The following DLG2 variants were observed in gnomAD, a reference collection of about 807,000 sequenced individuals.
DLG2 encodes the protein disks large homolog 2.
A neutral mutation model predicts 132.5 loss-of-function variants in DLG2; 45 were observed. The observed-to-expected ratio is 0.34, with a 90% confidence interval of 0.27 to 0.44. The LOEUF is 0.44. DLG2 is among the 20% of genes least tolerant of loss of function. The pLI is 1.00. For missense variants in DLG2, 1,045 were observed against 1,196.9 expected (o/e 0.87, Z 1.87); for synonymous variants, 424 against 419.6 (o/e 1.01, Z -0.13).
intron 6 of DLG2, among the ~76,000 whole-genome samples, chr11:85,067,921 A>T (rs527346442): frequency 6.6e-6 from 1 of 152,188 alleles, no homozygotes; most frequent in South Asian, 2.1e-4. Flanking sequence ...TGGCAAACCG[A>T]ATATAGCAGC....
intron 3 of DLG2, among the ~76,000 whole-genome samples, chr11:85,483,666 A>C (rs1319831540): frequency 6.6e-6 from 1 of 152,160 alleles, no homozygotes; most frequent in Non-Finnish European, 1.5e-5. Context: ...ATAATAGGCC[A>C]GGCGTGGTGG....
intron 18 of DLG2, among the ~76,000 whole-genome samples, chr11:83,701,780 G>T (rs939168453): frequency 6.6e-6 from 1 of 152,150 alleles, no homozygotes; most frequent in Non-Finnish European, 1.5e-5. Context: ...AACCTGTCGT[G>T]GTAGGGAAGG....
chr11:84,595,946 T>TA (rs2099555696), intron 6 of DLG2, among the ~76,000 whole-genome samples: 1 of 152,126 alleles, frequency 6.6e-6, no homozygotes, highest in South Asian at 2.1e-4. Flanking sequence ...AAAACCAACC[T>TA]AATAAAAATA....
intron 6 of DLG2, among the ~76,000 whole-genome samples, chr11:84,647,479 G>C (rs1231988803): frequency 6.6e-6 from 1 of 152,194 alleles, no homozygotes; most frequent in Admixed American, 6.5e-5. Flanking sequence ...CAATAGATCA[G>C]TGCGGTAGAA....
intron 8 of DLG2, among the ~76,000 whole-genome samples, chr11:84,249,973 T>G (rs1020306371): frequency 3.3e-5 from 5 of 152,176 alleles, no homozygotes; most frequent in Non-Finnish European, 7.4e-5. Context: ...GTTCTGACAT[T>G]CTGCTCCCCT....
intron 6 of DLG2, among the ~76,000 whole-genome samples, chr11:85,055,403 C>T (rs2063350006): frequency 6.6e-6 from 1 of 152,102 alleles, no homozygotes. Flanking sequence ...CTTATGGGTC[C>T]AAGATCCCTG....
At chr11:85,402,645 G>GAA (rs1447435166) in intron 3 of DLG2, among the ~76,000 whole-genome samples, 1 of 151,872 alleles carries the variant, frequency 6.6e-6, no homozygotes, top group African/African-American at 2.4e-5. Context: ...AAATTTACAA[G>GAA]AAAAAAACAA....
intron 7 of DLG2, among the ~76,000 whole-genome samples, chr11:84,463,870 T>C (rs2099086964): frequency 6.6e-6 from 1 of 151,216 alleles, no homozygotes; most frequent in Non-Finnish European, 1.5e-5. Flanking sequence ...CGACCTATTA[T>C]ACTCTTTTCT....
chr11:84,644,095 C>T (rs1448920302), intron 6 of DLG2, among the ~76,000 whole-genome samples: 3 of 152,128 alleles, frequency 2.0e-5, no homozygotes, highest in Admixed American at 6.5e-5. Context: ...TTCCCCAATA[C>T]GTGGCCGTCT....
intron 8 of DLG2, among the ~76,000 whole-genome samples, chr11:84,228,015 T>C (rs75873315): frequency 1.3e-4 from 20 of 152,296 alleles, no homozygotes; most frequent in African/African-American, 4.6e-4. Flanking sequence ...AATGTTGTAT[T>C]ATCTGATTAT....
chr11:84,836,159 G>T (rs891916440), intron 6 of DLG2, among the ~76,000 whole-genome samples: 5 of 151,706 alleles, frequency 3.3e-5, no homozygotes, highest in Non-Finnish European at 2.9e-5. Context: ...TCCAGTAAGA[G>T]AATTGGTAAT....
At chr11:85,032,709 T>C (rs2061116458) in intron 6 of DLG2, among the ~76,000 whole-genome samples, 1 of 152,134 alleles carries the variant, frequency 6.6e-6, no homozygotes, top group Admixed American at 6.5e-5. Context: ...ACCACCTAAT[T>C]GGATAGGTTT....
intron 5 of DLG2, among the ~76,000 whole-genome samples, chr11:85,131,236 T>C (rs1158052900): frequency 6.6e-6 from 1 of 152,168 alleles, no homozygotes; most frequent in African/African-American, 2.4e-5. Context: ...ATTTCGGTAT[T>C]GATTTAATTT....
Position 84,033,228 on chromosome 11 carries a change from A to G in DLG2, c.919+26087T>C, listed in dbSNP as rs375762061. On this transcript the variant is annotated intron_variant, in intron 11 of 27. Transcript: ENST00000376104. The stretch of plus-strand genomic sequence containing the variant: ...TGCATCTGAGTAAAGTAAATTGACA[A>G]TCTTCCAGATGCCATTAGGAAGATT... Among the ~76,000 whole-genome samples, 13 of 152,316 alleles carry G rather than the reference A, an allele frequency of 8.5e-5. No individual in the cohort carries two copies. In the East Asian group the frequency reaches 1.5e-3, roughly 18 times the overall value.
chr11:83,667,076 G>T (rs1056465226), intron 18 of DLG2, among the ~76,000 whole-genome samples: 6 of 152,058 alleles, frequency 3.9e-5, no homozygotes, highest in Non-Finnish European at 7.4e-5. Flanking sequence ...AATTAAAGTT[G>T]TATCTATTCA....
intron 7 of DLG2, among the ~76,000 whole-genome samples, chr11:84,360,392 T>C (rs17508652): frequency 0.1 from 15,573 of 151,880 alleles, 829 homozygotes; most frequent in South Asian, 0.16. Context: ...AAATAAAATC[T>C]CACATCCTCC....
At chr11:84,380,581 A>G (rs2098745813) in intron 7 of DLG2, among the ~76,000 whole-genome samples, 1 of 152,018 alleles carries the variant, frequency 6.6e-6, no homozygotes, top group African/African-American at 2.4e-5. Flanking sequence ...AAATGATTGA[A>G]AGAAGAAAAC....
intron 7 of DLG2, among the ~76,000 whole-genome samples, chr11:84,439,917 T>C (rs967318337): frequency 6.6e-6 from 1 of 152,190 alleles, no homozygotes; most frequent in African/African-American, 2.4e-5. Context: ...ACCACTGATA[T>C]CATAGAGAGA....
chr11:83,628,180 T>A (rs1353073787), intron 19 of DLG2, among the ~76,000 whole-genome samples: 1 of 152,210 alleles, frequency 6.6e-6, no homozygotes, highest in Non-Finnish European at 1.5e-5. Context: ...TTCACTCTGA[T>A]GGTAGTTTCT....
Sources: gnomAD v4.1 joint callset for allele counts (sites outside exome capture counted in the v4.1 genomes callset) on GRCh38, gnomAD v4.1.1 for gene constraint, MANE v1.5 for transcripts, NCBI Gene and HGNC (gene_info 2026-07-23, HGNC 2026-07-21) for gene names.